Variants in HDAC9 observed in about 807,000 individuals in gnomAD.
HDAC9 encodes MEF-2 interacting transcription repressor (MITR) protein.
Under a neutral mutation model 139.4 loss-of-function variants are expected in HDAC9, and 41 were observed. The ratio of observed to expected loss-of-function variants is 0.29; its 90% CI spans 0.23 to 0.38. The LOEUF is 0.38. Ranked by LOEUF, HDAC9 falls within the 10% of genes least tolerant of loss-of-function variation. HDAC9 has a pLI of 1.00. For synonymous variants in HDAC9, 517 were observed against 476.2 expected, an observed-to-expected ratio of 1.09 and a Z score of -1.12; for missense variants, 1,147 against 1,297.0, an observed-to-expected ratio of 0.88 and a Z score of 1.78.
At position 18,998,396 on chromosome 7, in the gene HDAC9, A is replaced by T. The variant is rs1300206059; in HGVS notation, c.*2334A>T. On this transcript the variant is annotated 3_prime_UTR_variant, in exon 26 of 26. Transcript: ENST00000686413. The stretch of plus-strand genomic sequence containing the variant: ...ATTTAGATTTAAAACTTGACACATT[A>T]ATGAGTTAATCACACATACTCCCAT... 6.6e-6 allele frequency: 1 copy of T among 152,208 alleles called. No individual in the cohort carries two copies. 9.4% of individuals were successfully genotyped at this position (152,208 alleles called of 1,614,324 possible). A position where few individuals can be genotyped will look rare whatever the true frequency, so the allele number is the denominator to read the frequency against.
At chr7:18,317,254 C>T (rs1315868006) in intron 1 of HDAC9, among the ~76,000 whole-genome samples, 1 of 151,664 alleles carries the variant, frequency 6.6e-6, no homozygotes, top group Non-Finnish European at 1.5e-5. Context: ...TTAAAAGACT[C>T]ATGAGTGTAG....
intron 12 of HDAC9, among the ~76,000 whole-genome samples, chr7:18,719,294 C>A (rs575938640): frequency 1.1e-4 from 16 of 147,808 alleles, no homozygotes; most frequent in Admixed American, 9.5e-4. Context: ...CATTTTTTAA[C>A]CTCAATGAAG....
chr7:18,943,660 C>A (rs888565233), intron 23 of HDAC9, among the ~76,000 whole-genome samples: 2 of 152,000 alleles, frequency 1.3e-5, no homozygotes, highest in East Asian at 3.9e-4. Context: ...GTTAATAGAA[C>A]AATAACTACA....
chr7:18,627,731 C>A (rs530339632), intron 6 of HDAC9, among the ~76,000 whole-genome samples: 1 of 152,162 alleles, frequency 6.6e-6, no homozygotes, highest in South Asian at 2.1e-4. Context: ...AGATCTCTAT[C>A]ACTTTGAGCT....
intron 1 of HDAC9, among the ~76,000 whole-genome samples, chr7:18,477,183 A>T (rs1000805306): frequency 1.3e-5 from 2 of 152,290 alleles, no homozygotes; most frequent in East Asian, 1.9e-4. Context: ...CATTAAACAG[A>T]TTAAAGTAAT....
chr7:18,296,583 T>C (rs1047226885), intron 1 of HDAC9, among the ~76,000 whole-genome samples: 4 of 152,152 alleles, frequency 2.6e-5, no homozygotes, highest in African/African-American at 4.8e-5. Flanking sequence ...TGTTTCCTTG[T>C]GTTAAAATTC....
At chr7:18,530,012 C>T (rs1449211107) in intron 2 of HDAC9, among the ~76,000 whole-genome samples, 1 of 151,890 alleles carries the variant, frequency 6.6e-6, no homozygotes, top group African/African-American at 2.4e-5. Context: ...GGTTCACTTC[C>T]GTAATCCCAG....
At chr7:18,739,679 G>A (rs752193505) in intron 13 of HDAC9, among the ~76,000 whole-genome samples, 4 of 152,070 alleles carry the variant, frequency 2.6e-5, no homozygotes, top group Non-Finnish European at 4.4e-5. Context: ...GGTGTCTGTC[G>A]GTCCCTACTG....
chr7:18,131,960 CT>C (rs1292930910), intron 1 of HDAC9, among the ~76,000 whole-genome samples: 3 of 152,170 alleles, frequency 2.0e-5, no homozygotes, highest in Non-Finnish European at 4.4e-5. Flanking sequence ...TATTTAAGAG[CT>C]ATTTTAGCTA....
At chr7:18,534,903 T>A (rs1189819938) in intron 2 of HDAC9, among the ~76,000 whole-genome samples, 1 of 152,148 alleles carries the variant, frequency 6.6e-6, no homozygotes. Flanking sequence ...TGTGAGGGTA[T>A]GGGCATGGTG....
At chr7:18,494,035 C>T (rs900299954), upstream of HDAC9, among the ~76,000 whole-genome samples, 1 of 151,974 alleles carries the variant, frequency 6.6e-6, no homozygotes, top group African/African-American at 2.4e-5. Context: ...TGTTTCTATC[C>T]TTTGAATTTT....
intron 2 of HDAC9, among the ~76,000 whole-genome samples, chr7:18,529,608 T>C (rs1808177904): frequency 6.6e-6 from 1 of 152,212 alleles, no homozygotes; most frequent in Non-Finnish European, 1.5e-5. Context: ...AAACTGATAA[T>C]TGTGTGTATT....
At chr7:18,297,916 C>T (rs553608162) in intron 1 of HDAC9, among the ~76,000 whole-genome samples, 6 of 152,314 alleles carry the variant, frequency 3.9e-5, no homozygotes, top group Admixed American at 3.9e-4. Context: ...ACGTTCCATC[C>T]TGCCTAAGGC....
chr7:18,731,647 C>T (rs1452619901), intron 13 of HDAC9, among the ~76,000 whole-genome samples: 3 of 151,958 alleles, frequency 2.0e-5, no homozygotes, highest in Admixed American at 1.3e-4. Context: ...TTTTTTGAGA[C>T]GGAGTTTTGC....
At chr7:18,810,622 A>G (rs765629044) in intron 17 of HDAC9, among the ~76,000 whole-genome samples, 1 of 151,934 alleles carries the variant, frequency 6.6e-6, no homozygotes, top group Non-Finnish European at 1.5e-5. Context: ...CCTGACTATC[A>G]CCACAAATTA....
At chr7:18,512,837 A>C (rs577645537) in intron 2 of HDAC9, among the ~76,000 whole-genome samples, 1 of 152,332 alleles carries the variant, frequency 6.6e-6, no homozygotes, top group East Asian at 1.9e-4. Context: ...GTAAGTGTGC[A>C]CAAATGGCAG....
intron 1 of HDAC9, among the ~76,000 whole-genome samples, chr7:18,352,660 G>GT (rs1268162834): frequency 6.6e-6 from 1 of 151,870 alleles, no homozygotes; most frequent in Non-Finnish European, 1.5e-5. Context: ...ACTCTTTTTC[G>GT]TTATGATGGT....
intron 1 of HDAC9, among the ~76,000 whole-genome samples, chr7:18,378,068 T>C (rs1476747728): frequency 6.6e-6 from 1 of 152,054 alleles, no homozygotes; most frequent in Admixed American, 6.6e-5. Flanking sequence ...GTTAGCAAAA[T>C]GAAGTGCTCG....
chr7:18,350,988 T>C (rs1267778788), intron 1 of HDAC9, among the ~76,000 whole-genome samples: 1 of 152,178 alleles, frequency 6.6e-6, no homozygotes, highest in Non-Finnish European at 1.5e-5. Context: ...AAATACATTT[T>C]ATAACCCCTG....
Sources: gnomAD v4.1 joint callset for allele counts (sites outside exome capture counted in the v4.1 genomes callset) on GRCh38, gnomAD v4.1.1 for gene constraint, MANE v1.5 for transcripts, NCBI Gene and HGNC (gene_info 2026-07-23, HGNC 2026-07-21) for gene names.